Variants in TXLNB observed in about 807,000 individuals in gnomAD.
The protein encoded by TXLNB is beta-taxilin.
In TXLNB, 37 loss-of-function variants were observed where a neutral mutation model predicts 57.4. That is an observed-to-expected ratio of 0.64 (90% CI 0.50 to 0.85). TXLNB has a LOEUF of 0.85. Among genes scored for constraint, TXLNB ranks in the 40% least tolerant of loss-of-function variants. TXLNB has a pLI of 0.00. For synonymous variants in TXLNB, 302 were observed against 309.6 expected (o/e 0.98, Z 0.26); for missense variants, 848 against 825.6 (o/e 1.03, Z -0.33).
chr6:139,226,658 G>A, the TXLNB span, among the ~76,000 whole-genome samples: 9 of 152,154 alleles, frequency 5.9e-5, no homozygotes, highest in African/African-American at 1.9e-4. Context: ...TGCATGTCAC[G>A]AAAGAGGCTA....
the TXLNB span, among the ~76,000 whole-genome samples, chr6:139,198,352 C>T: frequency 1.3e-5 from 2 of 152,102 alleles, no homozygotes; most frequent in Non-Finnish European, 2.9e-5. Context: ...CTCCTTTCTC[C>T]TTCTTGCTTC....
intron 2 of TXLNB, among the ~76,000 whole-genome samples, chr6:139,285,257 AACACAC>A (rs57409101): frequency 0.54 from 64,955 of 119,902 alleles, 20,798 homozygotes; most frequent in Middle Eastern, 0.65. Context: ...CTTTCCCCTC[AACACAC>A]ACACACACAC....
In TXLNB at chr6:139,284,075, G is replaced by A. The variant is rs1003615477; in HGVS notation, c.424+4401C>T. Among the ~76,000 whole-genome samples, 6 of 145,196 alleles carry A rather than the reference G, an allele frequency of 4.1e-5. 1 individual carries two copies. The highest frequency in any genetic ancestry group is 6.1e-5 in the Non-Finnish European group (4 of 65,362). On this transcript the variant is annotated intron_variant, in intron 2 of 9. Coordinates refer to ENST00000358430, the MANE Select transcript of TXLNB (RefSeq NM_153235.4). ...CCCAGGGTGAACATCTCCCATGCTCGCCTAAAAATTTTCCTGTTCCTGCTC... is the reference window on the plus strand; with the variant it reads ...CCCAGGGTGAACATCTCCCATGCTCACCTAAAAATTTTCCTGTTCCTGCTC...
chr6:139,210,116 C>T, the TXLNB span, among the ~76,000 whole-genome samples: 1 of 152,098 alleles, frequency 6.6e-6, no homozygotes, highest in Non-Finnish European at 1.5e-5. Context: ...AAATGCTCAA[C>T]ATCACTAATT....
At chr6:139,297,994 C>T in the TXLNB span, among the ~76,000 whole-genome samples, 1 of 152,136 alleles carries the variant, frequency 6.6e-6, no homozygotes, top group East Asian at 1.9e-4. Flanking sequence ...TGTAATCAAA[C>T]AGAGATTATT....
At chr6:139,309,709 G>C in the TXLNB span, among the ~76,000 whole-genome samples, 1 of 152,154 alleles carries the variant, frequency 6.6e-6, no homozygotes, top group Non-Finnish European at 1.5e-5. Flanking sequence ...AGCATTGCTT[G>C]AGCCCAAGAG....
At chr6:139,292,402 G>C (rs1011987597), upstream of TXLNB, among the ~76,000 whole-genome samples, 1 of 152,146 alleles carries the variant, frequency 6.6e-6, no homozygotes, top group Non-Finnish European at 1.5e-5. The surrounding 1 kb of genome is among the most constrained non-coding windows in gnomAD (Gnocchi z 4.0). Context: ...CTCCAGTGTG[G>C]TGGAAGATTC....
chr6:139,183,003 C>T, the TXLNB span: 3 of 152,246 alleles, frequency 2.0e-5, no homozygotes, highest in African/African-American at 2.4e-5. Context: ...AATTGTAATT[C>T]CTAATAAACC....
the TXLNB span, chr6:139,177,126 T>C: frequency 1.2e-6 from 1 of 828,830 alleles, no homozygotes; most frequent in Admixed American, 1.7e-5. This position sits in a 1 kb window ranked among gnomAD's most constrained non-coding sequence, Gnocchi z 4.9. Flanking sequence ...GCTTTAGTAA[T>C]AGCTATTTTA....
At chr6:139,320,641 A>AT in the TXLNB span, among the ~76,000 whole-genome samples, 2,075 of 147,178 alleles carry the variant, frequency 0.014, 13 homozygotes, top group Middle Eastern at 0.029. Context: ...ATATAATCTC[A>AT]TTTTTTTTTT....
chr6:139,224,013 A>T, the TXLNB span, among the ~76,000 whole-genome samples: 1 of 148,060 alleles, frequency 6.8e-6, no homozygotes, highest in Admixed American at 6.8e-5. Flanking sequence ...TTATTGCAGC[A>T]CTATTCACAA....
the TXLNB span, among the ~76,000 whole-genome samples, chr6:139,317,622 A>G: frequency 1.3e-5 from 2 of 152,072 alleles, no homozygotes; most frequent in East Asian, 3.9e-4. Flanking sequence ...GATGATCTCG[A>G]TCTCCTGACC....
At chr6:139,283,709 A>G (rs1777109136) in intron 2 of TXLNB, among the ~76,000 whole-genome samples, 2 of 146,058 alleles carry the variant, frequency 1.4e-5, no homozygotes, top group South Asian at 4.6e-4. Context: ...CTGGCAGTAA[A>G]GAAACTGTTT....
At chr6:139,309,172 C>A in the TXLNB span, among the ~76,000 whole-genome samples, 1 of 152,118 alleles carries the variant, frequency 6.6e-6, no homozygotes, top group Admixed American at 6.6e-5. Flanking sequence ...TTTCCAGCAG[C>A]CCCAGAATTA....
At chr6:139,184,178 T>C in the TXLNB span, among the ~76,000 whole-genome samples, 3 of 152,192 alleles carry the variant, frequency 2.0e-5, no homozygotes, top group Non-Finnish European at 4.4e-5. Flanking sequence ...TGTCTGGACA[T>C]TGTACAGAGC....
chr6:139,216,132 C>T, the TXLNB span, among the ~76,000 whole-genome samples: 157 of 151,974 alleles, frequency 1.0e-3, no homozygotes, highest in African/African-American at 3.6e-3. Flanking sequence ...GGGTATATAC[C>T]CAAAGGATTA....
intron 8 of TXLNB, 44 bp downstream of exon 8, chr6:139,247,773 A>G (rs373639261): frequency 3.7e-5 from 52 of 1,417,758 alleles, no homozygotes; most frequent in Admixed American, 3.0e-4. Flanking sequence ...TTGCCTGTCA[A>G]AATAGAAAAT....
chr6:139,290,625 T>C (rs10046180), intron 1 of TXLNB, among the ~76,000 whole-genome samples: 3 of 152,094 alleles, frequency 2.0e-5, no homozygotes, highest in African/African-American at 7.3e-5. Flanking sequence ...TAGGAAAGGG[T>C]GAGAGATGGT....
Position 139,288,906 on chromosome 6 carries a change from A to C in TXLNB, c.-7T>G. On this transcript the variant is annotated 5_prime_UTR_variant, in exon 2 of 10. Coordinates refer to ENST00000358430, the MANE Select transcript of TXLNB (RefSeq NM_153235.4). ...CAGAGTGATTAGCCTCCATCTTGGG[A>C]GTAGTATCTAGTGGTAAGCACAGTT... 6.2e-7 allele frequency: 1 copy of C among 1,608,896 alleles called. No individual in the cohort carries two copies. Among genetic ancestry groups the C allele is most frequent in the Non-Finnish European group, 8.5e-7 (1 of 1,176,730 alleles).
Sources: allele counts gnomAD v4.1 joint callset (sites outside exome capture counted in the v4.1 genomes callset), GRCh38; gene constraint gnomAD v4.1.1; non-coding constraint Gnocchi (gnomAD v3.1); transcripts MANE v1.5; gene names NCBI Gene and HGNC (gene_info 2026-07-23, HGNC 2026-07-21).